The following KCNN3 variants were observed in gnomAD, a reference collection of about 807,000 sequenced individuals.
The protein encoded by KCNN3 is small conductance calcium-activated potassium channel protein 3.
In KCNN3, 16 loss-of-function variants were observed where a neutral mutation model predicts 62.9. The ratio of observed to expected loss-of-function variants is 0.25; its 90% CI spans 0.17 to 0.39. The LOEUF is 0.39. Ranked by LOEUF, KCNN3 falls within the 10% of genes least tolerant of loss-of-function variation. The pLI is 1.00. For synonymous variants in KCNN3, 370 were observed against 389.2 expected, an observed-to-expected ratio of 0.95 and a Z score of 0.58; for missense variants, 599 against 949.4, an observed-to-expected ratio of 0.63 and a Z score of 4.85.
At chr1:154,780,394 C>T (rs1214210313) in intron 2 of KCNN3, among the ~76,000 whole-genome samples, 2 of 150,414 alleles carry the variant, frequency 1.3e-5, no homozygotes, top group East Asian at 3.9e-4. Context: ...ACCTGAAAAA[C>T]TTTCACTCTT....
chr1:154,807,403 T>C (rs554060329), intron 2 of KCNN3, among the ~76,000 whole-genome samples: 1 of 152,310 alleles, frequency 6.6e-6, no homozygotes, highest in East Asian at 1.9e-4. Context: ...TTCAACCTTT[T>C]GAGCCCACTT....
chr1:154,844,191 C>A (rs1183077246), intron 1 of KCNN3, among the ~76,000 whole-genome samples: 1 of 152,230 alleles, frequency 6.6e-6, no homozygotes, highest in Non-Finnish European at 1.5e-5. Flanking sequence ...TTATGCAAAT[C>A]AAGTGACTAC....
intron 3 of KCNN3, among the ~76,000 whole-genome samples, chr1:154,737,512 C>T (rs936012057): frequency 3.3e-5 from 5 of 151,970 alleles, no homozygotes; most frequent in Non-Finnish European, 7.4e-5. Flanking sequence ...GAGTCTCTAA[C>T]ATGAAAGACA....
At chr1:154,754,658 G>A (rs1647546243) in intron 3 of KCNN3, among the ~76,000 whole-genome samples, 1 of 152,208 alleles carries the variant, frequency 6.6e-6, no homozygotes, top group Non-Finnish European at 1.5e-5. Flanking sequence ...CTTGAAGTAT[G>A]AGGAAGAAGC....
At chr1:154,726,660 C>G (rs867629720) in intron 4 of KCNN3, among the ~76,000 whole-genome samples, 12 of 152,228 alleles carry the variant, frequency 7.9e-5, no homozygotes, top group African/African-American at 2.7e-4. Flanking sequence ...AAGGTTTACG[C>G]TATGACTCAG....
intron 1 of KCNN3, among the ~76,000 whole-genome samples, chr1:154,857,344 A>C (rs1490969828): frequency 6.6e-6 from 1 of 152,174 alleles, no homozygotes; most frequent in Non-Finnish European, 1.5e-5. Flanking sequence ...GGCCCACAGG[A>C]GACTTTCCTC....
chr1:154,753,419 C>T (rs559858416), intron 3 of KCNN3, among the ~76,000 whole-genome samples: 2 of 152,296 alleles, frequency 1.3e-5, no homozygotes, highest in South Asian at 4.2e-4. Context: ...ACAGCATGAC[C>T]TCAAAGAAAT....
chr1:154,721,257 T>C (rs1700340135), intron 5 of KCNN3, among the ~76,000 whole-genome samples: 2 of 151,680 alleles, frequency 1.3e-5, no homozygotes, highest in Admixed American at 1.3e-4. Flanking sequence ...CCAAGCCAAG[T>C]GTGTCCATAG....
At chr1:154,858,605 T>A (rs1371813818) in intron 1 of KCNN3, among the ~76,000 whole-genome samples, 1 of 152,116 alleles carries the variant, frequency 6.6e-6, no homozygotes, top group Non-Finnish European at 1.5e-5. Context: ...ACACAGTGGG[T>A]GTTCAGGATA....
chr1:154,767,122 GAA>G (rs1648333255), intron 3 of KCNN3, among the ~76,000 whole-genome samples: 1 of 152,190 alleles, frequency 6.6e-6, no homozygotes, highest in Admixed American at 6.5e-5. Flanking sequence ...GGCAGGGGCA[GAA>G]GAGAGTACAG....
chr1:154,782,901 G>A (rs1431731822), intron 2 of KCNN3, among the ~76,000 whole-genome samples: 1 of 152,204 alleles, frequency 6.6e-6, no homozygotes, highest in Non-Finnish European at 1.5e-5. Flanking sequence ...TGGCCAGTTT[G>A]GGCTTTACTT....
chr1:154,776,886 G>A (rs1358635248), intron 2 of KCNN3, among the ~76,000 whole-genome samples: 5 of 152,160 alleles, frequency 3.3e-5, no homozygotes, highest in African/African-American at 4.8e-5. Flanking sequence ...GCCCTGGCAC[G>A]GGTGTTCTTC....
At chr1:154,796,010 G>A (rs970944018) in intron 2 of KCNN3, among the ~76,000 whole-genome samples, 1 of 152,202 alleles carries the variant, frequency 6.6e-6, no homozygotes, top group African/African-American at 2.4e-5. Flanking sequence ...TCCAGTGTGT[G>A]TGTCTGTTGG....
At chr1:154,755,607 G>T (rs1179724741) in intron 3 of KCNN3, among the ~76,000 whole-genome samples, 2 of 108,234 alleles carry the variant, frequency 1.8e-5, no homozygotes, top group African/African-American at 6.9e-5. Context: ...GAGGGAGGGG[G>T]AGGGAGGGAG....
intron 2 of KCNN3, among the ~76,000 whole-genome samples, chr1:154,797,394 G>A (rs1024526703): frequency 6.6e-6 from 1 of 152,138 alleles, no homozygotes; most frequent in Non-Finnish European, 1.5e-5. Context: ...ACTTTCCTGA[G>A]GAGATAATAC....
At position 154,809,796 on chromosome 1, in the gene KCNN3, G is replaced by A. The variant is rs1650324619; in HGVS notation, c.1029+12293C>T. ...ATGGGAGATTGAGGGGGCAGAGGGT[G>A]GGGAGCTGCTTAGCAGCTCATGAGA... On this transcript the variant is annotated intron_variant, in intron 2 of 7. Coordinates refer to ENST00000271915, the MANE Select transcript of KCNN3 (RefSeq NM_002249.6). This position sits in a 1 kb window ranked among gnomAD's most constrained non-coding sequence, Gnocchi z 4.3. 6.6e-6 allele frequency among the ~76,000 whole-genome samples: 1 copy of A among 152,234 alleles called. No individual in the cohort carries two copies. Among genetic ancestry groups the A allele is most frequent in the Non-Finnish European group, 1.5e-5 (1 of 68,042 alleles).
chr1:154,848,523 A>G (rs1464618375), intron 1 of KCNN3, among the ~76,000 whole-genome samples: 1 of 152,118 alleles, frequency 6.6e-6, no homozygotes, highest in African/African-American at 2.4e-5. Context: ...ACAAAAGTGC[A>G]AATTCATCAG....
intron 2 of KCNN3, among the ~76,000 whole-genome samples, chr1:154,783,310 T>C (rs1386012054): frequency 6.6e-6 from 1 of 152,228 alleles, no homozygotes; most frequent in Non-Finnish European, 1.5e-5. Flanking sequence ...AATCAATATA[T>C]GATTAAAATA....
At chr1:154,789,926 G>C (rs1649438485) in intron 2 of KCNN3, among the ~76,000 whole-genome samples, 1 of 152,142 alleles carries the variant, frequency 6.6e-6, no homozygotes, top group Admixed American at 6.5e-5. Context: ...TGTTTTGAGA[G>C]ACAGAGTCTC....
Sources: allele counts gnomAD v4.1 joint callset (sites outside exome capture counted in the v4.1 genomes callset), GRCh38; gene constraint gnomAD v4.1.1; non-coding constraint Gnocchi (gnomAD v3.1); transcripts MANE v1.5; gene names NCBI Gene and HGNC (gene_info 2026-07-23, HGNC 2026-07-21).